Variants in IFT80 observed in about 807,000 individuals in gnomAD.
IFT80 encodes the protein intraflagellar transport 80.
In IFT80, 79 loss-of-function variants were observed where a neutral mutation model predicts 107.9. The ratio of observed to expected loss-of-function variants is 0.73; its 90% CI spans 0.61 to 0.88. IFT80 has a LOEUF of 0.88. Ranked by LOEUF, IFT80 falls within the 40% of genes least tolerant of loss-of-function variation. The pLI is 0.00. For synonymous variants in IFT80, 299 were observed against 300.9 expected, an observed-to-expected ratio of 0.99 and a Z score of 0.07; for missense variants, 797 against 914.2, an observed-to-expected ratio of 0.87 and a Z score of 1.65.
intron 1 of IFT80, among the ~76,000 whole-genome samples, chr3:160,392,293 T>C (rs1713443237): frequency 6.6e-6 from 1 of 152,208 alleles, no homozygotes; most frequent in African/African-American, 2.4e-5. Context: ...GGTGAACTCA[T>C]CCAGTTTTAT....
intron 8 of IFT80, among the ~76,000 whole-genome samples, chr3:160,335,754 C>T (rs990359576): frequency 6.6e-6 from 1 of 152,102 alleles, no homozygotes; most frequent in Admixed American, 6.5e-5. Context: ...CAACAATCAC[C>T]ACTATCTAAT....
chr3:160,344,057 T>A (rs1441109340), intron 8 of IFT80, among the ~76,000 whole-genome samples: 1 of 152,206 alleles, frequency 6.6e-6, no homozygotes, highest in Non-Finnish European at 1.5e-5. Context: ...CAGTTAATGT[T>A]CCCATCAATG....
chr3:160,268,715 T>G, intron 18 of IFT80, 179 bp from the exon 19 acceptor site: 1 of 594,096 alleles, frequency 1.7e-6, no homozygotes. Flanking sequence ...AGGGCCCAGA[T>G]CAAACATGGC....
intron 14 of IFT80, among the ~76,000 whole-genome samples, chr3:160,281,021 AT>A (rs1714648860): frequency 1.3e-5 from 2 of 152,310 alleles, no homozygotes; most frequent in Admixed American, 6.5e-5. Flanking sequence ...GAACCCTTAT[AT>A]TTTTAATCTG....
At chr3:160,314,435 T>C (rs1393431460) in intron 9 of IFT80, among the ~76,000 whole-genome samples, 1 of 152,078 alleles carries the variant, frequency 6.6e-6, no homozygotes, top group African/African-American at 2.4e-5. Context: ...AGAGGCAGAT[T>C]AAGAAACTTT....
intron 9 of IFT80, among the ~76,000 whole-genome samples, chr3:160,312,621 A>T (rs1176627276): frequency 2.4e-5 from 1 of 42,226 alleles, no homozygotes; most frequent in Non-Finnish European, 4.6e-5. Context: ...TAAATATATA[A>T]TATATATATA....
At chr3:160,266,639 C>T (rs1218068206) in intron 19 of IFT80, among the ~76,000 whole-genome samples, 1 of 152,194 alleles carries the variant, frequency 6.6e-6, no homozygotes, top group Non-Finnish European at 1.5e-5. Flanking sequence ...CTGCCTCAGC[C>T]TCCCAAAGTG....
intron 14 of IFT80, among the ~76,000 whole-genome samples, chr3:160,281,968 T>C (rs572415767): frequency 6.6e-6 from 1 of 152,324 alleles, no homozygotes; most frequent in South Asian, 2.1e-4. Flanking sequence ...TTTATTTCCT[T>C]TCTTTCCTGC....
intron 10 of IFT80, among the ~76,000 whole-genome samples, chr3:160,304,681 C>T (rs1192244381): frequency 2.0e-5 from 3 of 152,046 alleles, no homozygotes; most frequent in South Asian, 2.1e-4. Flanking sequence ...ATGATCCACC[C>T]GCCTCTGCCT....
chr3:160,392,276 C>G (rs995126555), intron 1 of IFT80, among the ~76,000 whole-genome samples: 1 of 152,236 alleles, frequency 6.6e-6, no homozygotes, highest in South Asian at 2.1e-4. Context: ...TCTGCACTCA[C>G]TGCCATGGTG....
intron 12 of IFT80, among the ~76,000 whole-genome samples, chr3:160,291,260 T>G (rs530840666): frequency 3.3e-5 from 5 of 152,304 alleles, no homozygotes; most frequent in African/African-American, 1.2e-4. Context: ...AACCGAAGAA[T>G]AGAAAATAAT....
intron 10 of IFT80, 34 bp from the exon 11 acceptor site, chr3:160,304,023 T>C (rs1220849379): frequency 1.5e-6 from 2 of 1,331,650 alleles, no homozygotes; most frequent in Non-Finnish European, 1.1e-6. Context: ...TTTATTAACA[T>C]TTAAAATACC....
chr3:160,318,498 T>G (rs958952550), intron 9 of IFT80, among the ~76,000 whole-genome samples: 7 of 152,006 alleles, frequency 4.6e-5, no homozygotes, highest in African/African-American at 1.4e-4. Context: ...TTTGATCTTC[T>G]CCTTGTACCT....
chr3:160,386,127 C>G (rs1712912764), intron 1 of IFT80, among the ~76,000 whole-genome samples: 3 of 152,150 alleles, frequency 2.0e-5, no homozygotes. Context: ...AAAGGAATCA[C>G]TAACAATTCA....
Position 160,317,057 on chromosome 3 carries a change from G to GA in IFT80, c.957+2702dup, listed in dbSNP as rs796931425. On this transcript the variant is annotated intron_variant, in intron 9 of 19. Transcript: ENST00000326448. The stretch of plus-strand genomic sequence containing the variant: ...TTAAATCAATTACAGCTGAATTTAT[G>GA]AAAAAAACATTTTCAAGATAATAAT... 5.9e-5 allele frequency among the ~76,000 whole-genome samples: 9 copies of GA among 151,800 alleles called. No homozygotes were observed. In the South Asian group the frequency reaches 1.9e-3, roughly 32 times the overall value.
chr3:160,290,268 C>T (rs904168320), intron 12 of IFT80, among the ~76,000 whole-genome samples: 2 of 151,704 alleles, frequency 1.3e-5, no homozygotes, highest in African/African-American at 4.8e-5. Context: ...ATTAGCTGGG[C>T]GTGGTGGTGC....
In IFT80 at chr3:160,377,496, C is replaced by T. The variant is rs372710243; in HGVS notation, c.304G>A (p.Val102Ile). 10 of 1,609,614 alleles carry T rather than the reference C, an allele frequency of 6.2e-6. No individual in the cohort carries two copies. Among genetic ancestry groups the T allele is most frequent in the African/African-American group, 1.3e-5 (1 of 74,882 alleles). The change falls in exon 4 of 20, where the codon GTA (valine) becomes ATA (isoleucine). Residue 102 changes from valine to isoleucine, a missense_variant. Val to Ile is a conservative substitution (Grantham distance 29). Coordinates refer to ENST00000326448, the MANE Select transcript of IFT80 (RefSeq NM_020800.3). ...AGTACTGCTCCACAGTGAGCTTCTA[C>T]ACTTTTTTCCACTCTTCCTAACTTG... is the stretch of plus-strand genomic sequence containing the variant. ...ISKLGRVEKS[V>I]EAHCGAVLAG...
At chr3:160,270,156 A>G (rs1433549204) in intron 18 of IFT80, among the ~76,000 whole-genome samples, 1 of 152,208 alleles carries the variant, frequency 6.6e-6, no homozygotes, top group Non-Finnish European at 1.5e-5. Context: ...ATCCGCCACC[A>G]TACCCAATTA....
intron 12 of IFT80, among the ~76,000 whole-genome samples, chr3:160,288,585 G>A (rs931546066): frequency 6.6e-6 from 1 of 152,098 alleles, no homozygotes; most frequent in Admixed American, 6.5e-5. Context: ...TCTGCAAACT[G>A]TGCATCTGAC....
Sources: allele counts gnomAD v4.1 joint callset (sites outside exome capture counted in the v4.1 genomes callset), GRCh38; gene constraint gnomAD v4.1.1; transcripts MANE v1.5; gene names NCBI Gene and HGNC (gene_info 2026-07-23, HGNC 2026-07-21).